The following CDH10 variants were observed in gnomAD, a reference collection of about 807,000 sequenced individuals.
CDH10 encodes the protein cadherin 10, also known as cadherin-10.
Under a neutral mutation model 73.1 loss-of-function variants are expected in CDH10, and 30 were observed. The ratio of observed to expected loss-of-function variants is 0.41; its 90% CI spans 0.31 to 0.56. CDH10 has a LOEUF of 0.56. Ranked by LOEUF, CDH10 falls within the 20% of genes least tolerant of loss-of-function variation. The pLI is 0.27. For missense variants in CDH10, 815 were observed against 973.7 expected (o/e 0.84, Z 2.17); for synonymous variants, 345 against 348.2 (o/e 0.99, Z 0.10).
intron 2 of CDH10, among the ~76,000 whole-genome samples, chr5:24,572,943 A>G (rs1188309038): frequency 5.3e-5 from 8 of 149,882 alleles, no homozygotes; most frequent in South Asian, 2.1e-4. Context: ...AAGAAAAAAA[A>G]AAAAAAAAAA....
At chr5:24,556,547 C>T (rs890672756) in intron 2 of CDH10, among the ~76,000 whole-genome samples, 1 of 151,666 alleles carries the variant, frequency 6.6e-6, no homozygotes. Flanking sequence ...GCTCTGCAAG[C>T]CTCCTTTAAT....
intron 2 of CDH10, among the ~76,000 whole-genome samples, chr5:24,570,414 G>A (rs574421790): frequency 6.6e-6 from 1 of 152,150 alleles, no homozygotes; most frequent in South Asian, 2.1e-4. Flanking sequence ...AGAAGTGGAA[G>A]GTAAGGGCCT....
intron 1 of CDH10, among the ~76,000 whole-genome samples, chr5:24,593,902 A>G (rs1267813947): frequency 6.6e-6 from 1 of 151,890 alleles, no homozygotes; most frequent in East Asian, 1.9e-4. Flanking sequence ...TTACATTGCT[A>G]TATACACAGG....
chr5:24,605,873 T>C (rs1354337249), intron 1 of CDH10, among the ~76,000 whole-genome samples: 1 of 152,194 alleles, frequency 6.6e-6, no homozygotes, highest in Non-Finnish European at 1.5e-5. Context: ...ACATACTACT[T>C]ATTAATGTAA....
chr5:24,638,269 A>T (rs1747931739), intron 1 of CDH10, among the ~76,000 whole-genome samples: 1 of 151,632 alleles, frequency 6.6e-6, no homozygotes. Context: ...AACTATTGAA[A>T]ATTAGGATAT....
intron 9 of CDH10, among the ~76,000 whole-genome samples, chr5:24,493,987 C>T (rs1742166376): frequency 6.6e-6 from 1 of 151,706 alleles, no homozygotes; most frequent in African/African-American, 2.4e-5. Context: ...TGTCTTAGAG[C>T]AATGAAAATG....
At chr5:24,586,998 C>T (rs1269676241) in intron 2 of CDH10, among the ~76,000 whole-genome samples, 1 of 151,560 alleles carries the variant, frequency 6.6e-6, no homozygotes, top group African/African-American at 2.4e-5. Context: ...GCGCCCGCCA[C>T]CGTGCCCGGC....
intron 1 of CDH10, among the ~76,000 whole-genome samples, chr5:24,607,751 T>C (rs1471289632): frequency 6.6e-6 from 1 of 152,200 alleles, no homozygotes; most frequent in Non-Finnish European, 1.5e-5. Context: ...TTGTCTCAGA[T>C]CACACAATGA....
chr5:24,529,796 G>A (rs1161667043), intron 5 of CDH10, among the ~76,000 whole-genome samples: 1 of 151,816 alleles, frequency 6.6e-6, no homozygotes, highest in Non-Finnish European at 1.5e-5. Context: ...AAATGTACAT[G>A]TTATTGGTCC....
In CDH10 at chr5:24,588,337, C is replaced by A. The variant is rs184350989; in HGVS notation, c.231+4923G>T. Among the ~76,000 whole-genome samples the A allele has an allele frequency of 3.8e-3, 582 of 152,266 alleles. 1 individual carries two copies. The highest frequency in any genetic ancestry group is 0.017 in the Middle Eastern group (5 of 294). On this transcript the variant is annotated intron_variant, in intron 2 of 11. Transcript: ENST00000264463. The stretch of plus-strand genomic sequence containing the variant: ...CCCAATATCCCTGTATCCCCTACCC[C>A]ATCTAACCACTAAAAGCAGGTTTAT...
intron 2 of CDH10, among the ~76,000 whole-genome samples, chr5:24,590,140 C>T (rs1379358365): frequency 6.6e-6 from 1 of 151,858 alleles, no homozygotes; most frequent in Non-Finnish European, 1.5e-5. Flanking sequence ...CAGGAAAATG[C>T]TTCTATTTAT....
chr5:24,554,668 A>G (rs1744704025), intron 2 of CDH10, among the ~76,000 whole-genome samples: 1 of 152,164 alleles, frequency 6.6e-6, no homozygotes, highest in South Asian at 2.1e-4. Flanking sequence ...GCTGTTGGAA[A>G]GTCTAGTCAA....
At chr5:24,587,204 ATTTAC>A (rs1344609765) in intron 2 of CDH10, among the ~76,000 whole-genome samples, 1 of 152,184 alleles carries the variant, frequency 6.6e-6, no homozygotes, top group African/African-American at 2.4e-5. Context: ...CTATTTAAGA[ATTTAC>A]TTTAAGAAAT....
At chr5:24,611,691 T>A (rs1282701480) in intron 1 of CDH10, 1 of 152,268 alleles carries the variant, frequency 6.6e-6, no homozygotes, top group East Asian at 1.9e-4. Context: ...TCTTCTTGCA[T>A]GCGCACCGAT....
At chr5:24,540,004 C>T (rs886340320) in intron 2 of CDH10, among the ~76,000 whole-genome samples, 3 of 152,096 alleles carry the variant, frequency 2.0e-5, no homozygotes, top group Middle Eastern at 3.4e-3. Context: ...TATATTTATT[C>T]TCTATGCATT....
chr5:24,563,727 G>A (rs1745052352), intron 2 of CDH10, among the ~76,000 whole-genome samples: 1 of 145,694 alleles, frequency 6.9e-6, no homozygotes, highest in Non-Finnish European at 1.5e-5. Flanking sequence ...CCGAGATCCT[G>A]CACTGCACTC....
At chr5:24,605,299 C>G (rs1746723167) in intron 1 of CDH10, among the ~76,000 whole-genome samples, 1 of 152,256 alleles carries the variant, frequency 6.6e-6, no homozygotes. Context: ...AGGTGAGGAG[C>G]CTGTGACCAA....
chr5:24,604,900 AACAAACAAAC>A (rs1374076397), intron 1 of CDH10, among the ~76,000 whole-genome samples: 2 of 150,286 alleles, frequency 1.3e-5, no homozygotes, highest in African/African-American at 5.0e-5. Context: ...AAAAAACAAA[AACAAACAAAC>A]AAACAAAAGA....
At chr5:24,595,913 C>T (rs933770316) in intron 1 of CDH10, among the ~76,000 whole-genome samples, 5 of 151,780 alleles carry the variant, frequency 3.3e-5, no homozygotes, top group African/African-American at 1.2e-4. Flanking sequence ...AATTGGACCC[C>T]ACATGCATGA....
Sources: allele counts gnomAD v4.1 joint callset (sites outside exome capture counted in the v4.1 genomes callset), GRCh38; gene constraint gnomAD v4.1.1; transcripts MANE v1.5; gene names NCBI Gene and HGNC (gene_info 2026-07-23, HGNC 2026-07-21).